The following ACAT1 variants were observed in gnomAD, a reference collection of about 807,000 sequenced individuals.
The protein encoded by ACAT1 is acetyl-CoA acetyltransferase 1.
In ACAT1, 28 loss-of-function variants were observed where a neutral mutation model predicts 47.3. The observed-to-expected ratio is 0.59, with a 90% confidence interval of 0.44 to 0.81. The LOEUF (loss-of-function observed/expected upper bound fraction) is 0.81. Ranked by LOEUF, ACAT1 falls within the 30% of genes least tolerant of loss-of-function variation. The pLI is 0.00. For missense variants in ACAT1, 469 were observed against 524.3 expected (o/e 0.89, Z 1.03); for synonymous variants, 181 against 173.6 (o/e 1.04, Z -0.34).
chr11:108,130,007 A>G (rs555583112), intron 1 of ACAT1, among the ~76,000 whole-genome samples: 2 of 152,196 alleles, frequency 1.3e-5, no homozygotes, highest in East Asian at 3.9e-4. Context: ...TCACTAACCA[A>G]AGCCATCTTT....
chr11:108,137,349 A>T (rs2135348961), intron 5 of ACAT1, among the ~76,000 whole-genome samples: 1 of 152,268 alleles, frequency 6.6e-6, no homozygotes, highest in Non-Finnish European at 1.5e-5. Context: ...TTAGGCTGTG[A>T]GACTGAAAAA....
intron 1 of ACAT1, among the ~76,000 whole-genome samples, chr11:108,131,372 T>TTTTTTTTTTA (rs1555031491): frequency 4.2e-5 from 6 of 142,448 alleles, no homozygotes; most frequent in African/African-American, 1.6e-4. Context: ...TTTTTTTTTT[T>TTTTTTTTTTA]AGACAGTCTT....
intron 6 of ACAT1, among the ~76,000 whole-genome samples, chr11:108,139,602 C>T (rs1385990400): frequency 1.3e-5 from 2 of 151,912 alleles, no homozygotes; most frequent in African/African-American, 4.8e-5. Context: ...CAAAAAAAGA[C>T]ATGAGTGAAA....
intron 6 of ACAT1, among the ~76,000 whole-genome samples, chr11:108,139,454 G>A (rs555283616): frequency 4.6e-5 from 7 of 151,874 alleles, no homozygotes; most frequent in South Asian, 2.1e-4. Context: ...TTAGCCAGGC[G>A]TGGTGGTGGT....
Position 108,133,816 on chromosome 11 carries a change from C to A in ACAT1, c.121-4C>A. On this transcript the variant is annotated splice_polypyrimidine_tract_variant and splice_region_variant and intron_variant, in intron 2 of 11. Coordinates refer to ENST00000265838, the MANE Select transcript of ACAT1 (RefSeq NM_000019.4). ...ATAATTTTTACCATCTTGTGTCTTG[C>A]CAGGAAGTGGTCATAGTAAGTGCTA... 6.2e-7 allele frequency: 1 copy of A among 1,610,018 alleles called. No homozygotes were observed. The highest frequency in any genetic ancestry group is 8.5e-7 in the Non-Finnish European group (1 of 1,176,550).
chr11:108,146,030 G>C (rs61913681), intron 10 of ACAT1, 172 bp from the exon 11 acceptor site: 1 of 572,514 alleles, frequency 1.7e-6, no homozygotes, highest in Non-Finnish European at 3.0e-6. Context: ...CTGGGAGACA[G>C]AGCAAGACTG....
At chr11:108,117,362 C>T (rs1210353350), upstream of ACAT1, among the ~76,000 whole-genome samples, 1 of 150,368 alleles carries the variant, frequency 6.7e-6, no homozygotes, top group Non-Finnish European at 1.5e-5. Context: ...GGCTGGAGTA[C>T]AGTGGCACGA....
intron 5 of ACAT1, chr11:108,135,933 AAGG>A: frequency 2.3e-6 from 1 of 426,148 alleles, no homozygotes; most frequent in Non-Finnish European, 4.1e-6. Flanking sequence ...TTTCATTATA[AAGG>A]AGAACACGGT....
intron 8 of ACAT1, 65 bp downstream of exon 8, chr11:108,141,765 T>A (rs1321074310): frequency 5.6e-6 from 6 of 1,072,892 alleles, no homozygotes; most frequent in Non-Finnish European, 8.2e-6. Context: ...GTTCTTAGAA[T>A]TGCCTAAGGA....
chr11:108,120,666 G>C, upstream of ACAT1, among the ~76,000 whole-genome samples: 1 of 152,172 alleles, frequency 6.6e-6, no homozygotes, highest in South Asian at 2.1e-4. Flanking sequence ...ATGATGTCTG[G>C]GGTCTCAGCT....
intron 7 of ACAT1, among the ~76,000 whole-genome samples, chr11:108,141,218 C>G: frequency 6.6e-6 from 1 of 151,428 alleles, no homozygotes; most frequent in South Asian, 2.1e-4. Flanking sequence ...TGTGCAAGAC[C>G]ATTTCAAACA....
intron 4 of ACAT1, among the ~76,000 whole-genome samples, chr11:108,134,679 C>T (rs868477561): frequency 6.9e-6 from 1 of 144,394 alleles, no homozygotes. Flanking sequence ...GGCATGGTAG[C>T]TCACGCCTGT....
Position 108,140,108 on chromosome 11 carries a change from G to C in ACAT1, c.623G>C (p.Arg208Pro). Residue 208 changes from arginine (R) to proline (P), a missense_variant, in exon 7 of 12, where the codon CGA becomes CCA. Transcript: ENST00000265838. Reference protein sequence around the residue: ...ENTAKKLNIARNEQDAYAINS... With the variant: ...ENTAKKLNIAPNEQDAYAINS... The stretch of plus-strand genomic sequence containing the variant: ...ACAGCAAAGAAGCTGAATATTGCAC[G>C]AAATGAACAGGACGCTTATGCTATT... 6.2e-7 allele frequency: 1 copy of C among 1,614,090 alleles called. No homozygotes were observed. Among genetic ancestry groups the C allele is most frequent in the Non-Finnish European group, 8.5e-7 (1 of 1,179,980 alleles).
chr11:108,131,774 C>A, intron 1 of ACAT1, 133 bp from the exon 2 acceptor site: 1 of 364,980 alleles, frequency 2.7e-6, no homozygotes, highest in Non-Finnish European at 5.0e-6. Context: ...GTGATATATT[C>A]TGACCACAAA....
Position 108,146,080 on chromosome 11 carries a change from C to T in ACAT1, c.1006-122C>T, listed in dbSNP as rs1363697574. 2.1e-5 allele frequency: 20 copies of T among 945,990 alleles called. 1 individual carries two copies. Among genetic ancestry groups the T allele is most frequent in the Non-Finnish European group, 3.1e-5 (19 of 606,248 alleles). 58.6% of individuals were successfully genotyped at this position (945,990 alleles called of 1,614,324 possible). On this transcript the variant is annotated intron_variant, in intron 10 of 11. Transcript: ENST00000265838. ...AATCTGAAAATAGAGATCCTTCCAT[C>T]TGAAACCAAGAACTTCCATATTTAA... is the stretch of plus-strand genomic sequence containing the variant.
At chr11:108,144,654 T>C (rs1459803274) in intron 10 of ACAT1, among the ~76,000 whole-genome samples, 2 of 151,404 alleles carry the variant, frequency 1.3e-5, no homozygotes, top group Non-Finnish European at 2.9e-5. Context: ...TAAAAAAAAT[T>C]GCAGAATTTT....
chr11:108,116,995 A>T (rs1489361374), upstream of ACAT1, among the ~76,000 whole-genome samples: 1 of 152,118 alleles, frequency 6.6e-6, no homozygotes, highest in Non-Finnish European at 1.5e-5. Flanking sequence ...TTGGTACTGA[A>T]AAGTGGGGTG....
upstream of ACAT1, chr11:108,121,169 CCAGCTTG>C: frequency 3.6e-6 from 1 of 275,088 alleles, no homozygotes; most frequent in Admixed American, 4.9e-5. Flanking sequence ...TCACTGCACT[CCAGCTTG>C]GGTGACAGAG....
At chr11:108,119,295 C>G (rs2077110968), upstream of ACAT1, among the ~76,000 whole-genome samples, 1 of 152,024 alleles carries the variant, frequency 6.6e-6, no homozygotes, top group African/African-American at 2.4e-5. Context: ...CCTCCACCTC[C>G]CAGGTTTAAG....
Sources: gnomAD v4.1 joint callset for allele counts (sites outside exome capture counted in the v4.1 genomes callset) on GRCh38, gnomAD v4.1.1 for gene constraint, MANE v1.5 for transcripts, NCBI Gene and HGNC (gene_info 2026-07-23, HGNC 2026-07-21) for gene names.